The following INVS variants were observed in gnomAD, a reference collection of about 807,000 sequenced individuals.
INVS encodes the protein inversin.
In INVS, 86 loss-of-function variants were observed where a neutral mutation model predicts 108.8. The ratio of observed to expected loss-of-function variants is 0.79; its 90% CI spans 0.66 to 0.95. The LOEUF (loss-of-function observed/expected upper bound fraction) is 0.95. Ranked by LOEUF, INVS falls within the 40% of genes least tolerant of loss-of-function variation. The pLI is 0.00. For synonymous variants in INVS, 455 were observed against 473.5 expected (o/e 0.96, Z 0.51); for missense variants, 1,169 against 1,297.4 (o/e 0.90, Z 1.52).
At chr9:100,246,921 TAA>T (rs1832066101) in intron 8 of INVS, 134 bp downstream of exon 8, 2 of 858,408 alleles carry the variant, frequency 2.3e-6, no homozygotes, top group Non-Finnish European at 3.9e-6. Flanking sequence ...TCTTCAGTTT[TAA>T]GTTTGGGTTT....
intron 3 of INVS, among the ~76,000 whole-genome samples, chr9:100,151,667 A>G (rs1828812105): frequency 6.6e-6 from 1 of 152,180 alleles, no homozygotes; most frequent in Non-Finnish European, 1.5e-5. Flanking sequence ...TGACTTATGT[A>G]TTTATAAAAG....
intron 3 of INVS, among the ~76,000 whole-genome samples, chr9:100,168,817 A>C (rs1829446802): frequency 1.3e-5 from 2 of 152,182 alleles, no homozygotes; most frequent in Non-Finnish European, 2.9e-5. Flanking sequence ...TTAGATAATA[A>C]ATCTATGGAA....
intron 1 of INVS, among the ~76,000 whole-genome samples, chr9:100,103,999 C>T (rs1827093572): frequency 6.6e-6 from 1 of 152,022 alleles, no homozygotes; most frequent in Admixed American, 6.6e-5. Flanking sequence ...CATCATATTA[C>T]TTGTATTAAC....
In INVS at chr9:100,289,466, C is replaced by A. The variant is rs530777406; in HGVS notation, c.2069-2860C>A. ...GTGGCATAATAAAACACTCCCAAAA[C>A]TAAGTGGCTTAAAACAACAGAAGTT... On this transcript the variant is annotated intron_variant, in intron 13 of 16. Coordinates refer to ENST00000262457, the MANE Select transcript of INVS (RefSeq NM_014425.5). Among the ~76,000 whole-genome samples the A allele has an allele frequency of 9.3e-4, 141 of 152,310 alleles. 1 individual carries two copies. Among genetic ancestry groups the A allele is most frequent in the African/African-American group, 3.3e-3 (139 of 41,580 alleles).
intron 4 of INVS, among the ~76,000 whole-genome samples, chr9:100,226,810 CAAAAAAAAAAAAA>C (rs59853701): frequency 7.6e-5 from 6 of 78,808 alleles, no homozygotes; most frequent in Admixed American, 3.1e-4. Flanking sequence ...GAGACTGTCT[CAAAAAAAAAAAAA>C]AAAAAAAAAA....
intron 6 of INVS, 64 bp downstream of exon 6, chr9:100,240,304 T>A: frequency 8.0e-7 from 1 of 1,247,690 alleles, no homozygotes; most frequent in Non-Finnish European, 1.2e-6. Flanking sequence ...TTCTGTGCCT[T>A]CCCTTCCACT....
intron 1 of INVS, chr9:100,101,699 A>T (rs1231818602): frequency 1.3e-5 from 2 of 152,004 alleles, no homozygotes; most frequent in Admixed American, 6.6e-5. Context: ...ATCTTAGAAA[A>T]CTCTCAGATC....
intron 10 of INVS, among the ~76,000 whole-genome samples, chr9:100,261,927 G>C (rs942528749): frequency 6.6e-6 from 1 of 151,838 alleles, no homozygotes. Context: ...ATTCCCACTT[G>C]CCAAGAGTTT....
At chr9:100,233,472 G>A (rs1366290003) in intron 5 of INVS, among the ~76,000 whole-genome samples, 1 of 152,094 alleles carries the variant, frequency 6.6e-6, no homozygotes, top group East Asian at 1.9e-4. Flanking sequence ...AATGCTTCCA[G>A]TTTTGCCAAT....
At position 100,252,918 on chromosome 9, in the gene INVS, G is replaced by A; in HGVS notation, c.1246G>A (p.Val416Ile). Residue 416 changes from valine to isoleucine, a missense_variant, in exon 10 of 17, where the codon GTA becomes ATA. By Grantham distance (29) the Val-to-Ile change is conservative. Transcript: ENST00000262457. Reference sequence around the variant, plus strand: ...TTGTGCTTTTCCAGGTGGAGCAAGGGTAGATCTAGTTGACCAAGATGGACA... The same window carrying A: ...TTGTGCTTTTCCAGGTGGAGCAAGGATAGATCTAGTTGACCAAGATGGACA... ...IQTLIKGGAR[V>I]DLVDQDGHSL... 1.9e-6 allele frequency: 3 copies of A among 1,613,146 alleles called. No individual in the cohort carries two copies. Among genetic ancestry groups the A allele is most frequent in the South Asian group, 2.2e-5 (2 of 91,038 alleles).
chr9:100,234,020 G>A (rs1038689471), intron 5 of INVS, among the ~76,000 whole-genome samples: 2 of 152,092 alleles, frequency 1.3e-5, no homozygotes, highest in African/African-American at 4.8e-5. Flanking sequence ...TTGGTTGGTA[G>A]GCTATTAATT....
Position 100,246,663 on chromosome 9 carries a change from A to G in INVS, c.954A>G (p.Ser318=), listed in dbSNP as rs778265507. 1.2e-6 allele frequency: 2 copies of G among 1,613,922 alleles called. No homozygotes were observed. Among genetic ancestry groups the G allele is most frequent in the Non-Finnish European group, 1.7e-6 (2 of 1,179,806 alleles). The change falls in exon 8 of 17, where the codon TCA becomes TCG. Residue 318 remains serine (S), a synonymous_variant. Coordinates refer to ENST00000262457, the MANE Select transcript of INVS (RefSeq NM_014425.5). ...AACATCCTTCAGTGAAAGATGATTC[A>G]GACCTGGAAGGAAGAACATCCTTTA... The part of the protein sequence containing the change: ...FLKHPSVKDD[S]DLEGRTSFMW...
chr9:100,272,734 G>A lies in INVS; in HGVS notation c.1572-130G>A, dbSNP rs564652708. On this transcript the variant is annotated intron_variant, in intron 11 of 16. Coordinates refer to ENST00000262457, the MANE Select transcript of INVS (RefSeq NM_014425.5). ...GAATAGCCCTGTTATAGAGAAGGTGGCTTTGCCTGGGGAATATTCCACATC... is the reference window on the plus strand; with the variant it reads ...GAATAGCCCTGTTATAGAGAAGGTGACTTTGCCTGGGGAATATTCCACATC... The A allele has an allele frequency of 4.6e-4, 390 of 844,684 alleles. 6 individuals carry two copies. Among genetic ancestry groups the A allele is most frequent in the Non-Finnish European group, 1.3e-5 (7 of 519,752 alleles). The allele number at this position is 844,684 out of a possible 1,614,324, so 52.3% of individuals were successfully genotyped here. A position where few individuals can be genotyped will look rare whatever the true frequency, so the allele number is the denominator to read the frequency against.
intron 3 of INVS, among the ~76,000 whole-genome samples, chr9:100,143,591 A>G (rs968913148): frequency 6.6e-6 from 1 of 151,968 alleles, no homozygotes; most frequent in Non-Finnish European, 1.5e-5. Context: ...GAACTGGGGG[A>G]AAAGGCAGCG....
intron 3 of INVS, among the ~76,000 whole-genome samples, chr9:100,133,286 G>A (rs558462507): frequency 6.6e-6 from 1 of 152,008 alleles, no homozygotes; most frequent in African/African-American, 2.4e-5. Flanking sequence ...TCCTCAGTCT[G>A]TCTTGATTTT....
At chr9:100,112,290 A>G (rs140186145) in intron 2 of INVS, among the ~76,000 whole-genome samples, 16 of 152,292 alleles carry the variant, frequency 1.1e-4, no homozygotes, top group Admixed American at 3.3e-4. Context: ...TATACTTTCA[A>G]TTTCCTCAAA....
chr9:100,252,698 C>T lies in INVS; in HGVS notation c.1235-209C>T, dbSNP rs1441464211. 3.9e-5 allele frequency among the ~76,000 whole-genome samples: 6 copies of T among 152,200 alleles called. No individual in the cohort carries two copies. In the East Asian group the frequency reaches 1.2e-3, roughly 29 times the overall value. On this transcript the variant is annotated intron_variant, in intron 9 of 16. Coordinates refer to ENST00000262457, the MANE Select transcript of INVS (RefSeq NM_014425.5). ...AAGGGGGACTGATTCCTAGCCAGTC[C>T]AATTTACAAGCTTATTGTAAAAATC...
intron 8 of INVS, among the ~76,000 whole-genome samples, chr9:100,247,330 T>A (rs1442504715): frequency 2.6e-5 from 4 of 152,156 alleles, no homozygotes; most frequent in Non-Finnish European, 1.5e-5. Context: ...GAAAAACTCT[T>A]ACTAGATACT....
chr9:100,275,118 C>A (rs1588139864), intron 12 of INVS, among the ~76,000 whole-genome samples: 2 of 152,242 alleles, frequency 1.3e-5, no homozygotes, highest in Admixed American at 1.3e-4. Flanking sequence ...TAATGATGCC[C>A]TCTTCCTTTC....
Sources: gnomAD v4.1 joint callset for allele counts (sites outside exome capture counted in the v4.1 genomes callset) on GRCh38, gnomAD v4.1.1 for gene constraint, MANE v1.5 for transcripts, NCBI Gene and HGNC (gene_info 2026-07-23, HGNC 2026-07-21) for gene names.